The following CCDC18 variants were observed in gnomAD, a reference collection of about 807,000 sequenced individuals.
The protein encoded by CCDC18 is coiled-coil domain-containing protein 18.
In CCDC18, 157 loss-of-function variants were observed where a neutral mutation model predicts 196.0. The ratio of observed to expected loss-of-function variants is 0.80; its 90% CI spans 0.70 to 0.91. The LOEUF is 0.91. CCDC18 is among the 40% of genes least tolerant of loss of function. The pLI is 0.00. For synonymous variants in CCDC18, 482 were observed against 529.2 expected (o/e 0.91, Z 1.22); for missense variants, 1,465 against 1,611.6 (o/e 0.91, Z 1.56).
At chr1:93,215,246 T>C (rs919517765) in intron 12 of CCDC18, among the ~76,000 whole-genome samples, 3 of 152,110 alleles carry the variant, frequency 2.0e-5, no homozygotes, top group African/African-American at 4.8e-5. Context: ...TCTTCCATAG[T>C]ATAAGTTAAT....
intron 28 of CCDC18, among the ~76,000 whole-genome samples, chr1:93,274,370 C>T (rs146412138): frequency 5.7e-4 from 86 of 152,054 alleles, no homozygotes; most frequent in Middle Eastern, 3.4e-3. Flanking sequence ...CCACAGCACT[C>T]CAGCCTGGGT....
chr1:93,206,716 C>T (rs1654761182), intron 8 of CCDC18, among the ~76,000 whole-genome samples: 1 of 152,068 alleles, frequency 6.6e-6, no homozygotes, highest in Admixed American at 6.6e-5. Flanking sequence ...TACTTTTTCT[C>T]CTGTTTTAGG....
chr1:93,180,433 C>A, upstream of CCDC18: 1 of 1,287,718 alleles, frequency 7.8e-7, no homozygotes. Flanking sequence ...GGACTCTGGG[C>A]GGGGCTAGCA....
At chr1:93,244,793 C>CT (rs370528681) in intron 21 of CCDC18, among the ~76,000 whole-genome samples, 1 of 152,286 alleles carries the variant, frequency 6.6e-6, no homozygotes, top group African/African-American at 2.4e-5. Flanking sequence ...GGTCTGGTTC[C>CT]TGTCCTTGTT....
At chr1:93,264,067 A>G (rs1664173628) in intron 26 of CCDC18, among the ~76,000 whole-genome samples, 2 of 151,722 alleles carry the variant, frequency 1.3e-5, no homozygotes, top group South Asian at 4.2e-4. Flanking sequence ...TCTTATGATT[A>G]TGGCAGAAGG....
intron 23 of CCDC18, among the ~76,000 whole-genome samples, chr1:93,253,233 G>T (rs745534482): frequency 3.9e-5 from 6 of 152,050 alleles, no homozygotes; most frequent in African/African-American, 7.3e-5. Context: ...GGCATCTGCT[G>T]TGGGATGGAG....
intron 23 of CCDC18, among the ~76,000 whole-genome samples, chr1:93,250,378 C>CA (rs71094242): frequency 0.24 from 20,989 of 89,082 alleles, 2,383 homozygotes; most frequent in African/African-American, 0.31. Flanking sequence ...GAGACCCTGT[C>CA]AAAAAAAAAA....
At chr1:93,267,626 C>A (rs1358600936) in intron 27 of CCDC18, among the ~76,000 whole-genome samples, 1 of 152,154 alleles carries the variant, frequency 6.6e-6, no homozygotes. Flanking sequence ...AAATAACAAG[C>A]ATTCTTATAC....
chr1:93,232,349 A>AGGACAGCTTTGACATT (rs1553177154), intron 17 of CCDC18, 77 bp from the exon 18 acceptor site: 1 of 829,296 alleles, frequency 1.2e-6, no homozygotes, highest in East Asian at 2.6e-5. Context: ...TCTAATAAGG[A>AGGACAGCTTTGACATT]GGACAGCTTT....
At chr1:93,240,970 T>C (rs1290319011) in intron 21 of CCDC18, among the ~76,000 whole-genome samples, 1 of 152,104 alleles carries the variant, frequency 6.6e-6, no homozygotes, top group Non-Finnish European at 1.5e-5. Flanking sequence ...AAAACATATA[T>C]ATATATTTTT....
intron 4 of CCDC18, among the ~76,000 whole-genome samples, chr1:93,191,550 T>C (rs1406630275): frequency 6.6e-6 from 1 of 152,254 alleles, no homozygotes; most frequent in Non-Finnish European, 1.5e-5. Flanking sequence ...AGTTGTACTC[T>C]CTTTATTATA....
intron 16 of CCDC18, among the ~76,000 whole-genome samples, chr1:93,223,188 C>T (rs898846397): frequency 6.6e-6 from 1 of 152,120 alleles, no homozygotes; most frequent in Non-Finnish European, 1.5e-5. Context: ...CGTAACTGGG[C>T]AGTCATCTGG....
chr1:93,209,856 G>A (rs2783504), intron 9 of CCDC18, among the ~76,000 whole-genome samples: 28,334 of 152,124 alleles, frequency 0.19, 2,910 homozygotes, highest in East Asian at 0.31. Flanking sequence ...TGAAGCAAGA[G>A]TTCAAGACCA....
chr1:93,199,074 T>C (rs1243006566), intron 6 of CCDC18, among the ~76,000 whole-genome samples: 2 of 152,236 alleles, frequency 1.3e-5, no homozygotes, highest in South Asian at 2.1e-4. Flanking sequence ...GGGCACAATA[T>C]GCTGTTTTGG....
chr1:93,207,452 G>GT, intron 9 of CCDC18, 54 bp downstream of exon 9: 1 of 1,319,402 alleles, frequency 7.6e-7, no homozygotes, highest in Non-Finnish European at 1.0e-6. Flanking sequence ...AAGTGTTTTA[G>GT]AAAAGACTAT....
At chr1:93,230,791 T>C (rs552261617) in intron 17 of CCDC18, among the ~76,000 whole-genome samples, 2 of 152,174 alleles carry the variant, frequency 1.3e-5, no homozygotes, top group Admixed American at 1.3e-4. Flanking sequence ...GATGTTCCAA[T>C]AAAGAAAAAA....
At chr1:93,220,259 C>A (rs72717334) in intron 14 of CCDC18, among the ~76,000 whole-genome samples, 13,382 of 152,046 alleles carry the variant, frequency 0.088, 665 homozygotes, top group African/African-American at 0.13. Flanking sequence ...GAGAAAAAAA[C>A]TGTCATTCTA....
chr1:93,256,833 G>C (rs1663026737), intron 25 of CCDC18, among the ~76,000 whole-genome samples: 1 of 152,048 alleles, frequency 6.6e-6, no homozygotes, highest in South Asian at 2.1e-4. Context: ...GAGTTATAAA[G>C]CACTTTTAGA....
chr1:93,264,029 G>T (rs1044300926), intron 26 of CCDC18, among the ~76,000 whole-genome samples: 1 of 152,096 alleles, frequency 6.6e-6, no homozygotes, highest in African/African-American at 2.4e-5. Context: ...GTTCCACATG[G>T]CTTGGGAGGC....
Sources: allele counts gnomAD v4.1 joint callset (sites outside exome capture counted in the v4.1 genomes callset), GRCh38; gene constraint gnomAD v4.1.1; transcripts MANE v1.5; gene names NCBI Gene and HGNC (gene_info 2026-07-23, HGNC 2026-07-21).